The following PCDHA11 variants were observed in gnomAD, a reference collection of about 807,000 sequenced individuals.
The protein encoded by PCDHA11 is protocadherin alpha-11.
In PCDHA11, 61 loss-of-function variants were observed where a neutral mutation model predicts 70.3. The observed-to-expected ratio is 0.87, with a 90% CI of 0.71 to 1.07. The LOEUF (loss-of-function observed/expected upper bound fraction) is 1.07. Ranked by LOEUF, PCDHA11 falls within the 50% of genes least tolerant of loss-of-function variation. The probability of loss-of-function intolerance (pLI) is 0.00; values close to 1 mark genes in which losing one functional copy is unlikely to be tolerated. For synonymous variants in PCDHA11, 633 were observed against 555.1 expected, an observed-to-expected ratio of 1.14 and a Z score of -1.97; for missense variants, 1,324 against 1,237.5, an observed-to-expected ratio of 1.07 and a Z score of -1.05.
At chr5:141,000,854 G>A (rs2097968530) in intron 3 of PCDHA11, among the ~76,000 whole-genome samples, 1 of 152,010 alleles carries the variant, frequency 6.6e-6, no homozygotes, top group Non-Finnish European at 1.5e-5. Flanking sequence ...CTGGCAGTCA[G>A]CCATGACCTC....
intron 1 of PCDHA11, chr5:140,884,558 C>T: frequency 3.7e-6 from 6 of 1,614,146 alleles, no homozygotes; most frequent in Non-Finnish European, 5.1e-6. Flanking sequence ...TGGGGAGGGC[C>T]CGCATAAGAC....
In PCDHA11 at chr5:140,967,905, C is replaced by G. The variant is rs782291807; in HGVS notation, c.2392-11044C>G. ...AGCCCAGTGCCTGAGAATGCTACAC[C>G]CAACACCATTGTGGCCGTTCTCAGT... is the stretch of plus-strand genomic sequence containing the variant. On this transcript the variant is annotated intron_variant, in intron 1 of 3. Transcript: ENST00000398640. 36 of 1,614,168 alleles carry G rather than the reference C, an allele frequency of 2.2e-5. No homozygotes were observed. Among genetic ancestry groups the G allele is most frequent in the Non-Finnish European group, 2.8e-5 (33 of 1,180,028 alleles).
At chr5:140,904,280 G>A in intron 1 of PCDHA11, among the ~76,000 whole-genome samples, 1 of 151,848 alleles carries the variant, frequency 6.6e-6, no homozygotes, top group Non-Finnish European at 1.5e-5. Flanking sequence ...GAGAACATGT[G>A]GTGTTTGGTT....
At chr5:140,999,454 A>G (rs1467435215) in intron 3 of PCDHA11, among the ~76,000 whole-genome samples, 1 of 152,206 alleles carries the variant, frequency 6.6e-6, no homozygotes, top group African/African-American at 2.4e-5. Context: ...CGTTCAACGA[A>G]TAAGTGGTGA....
intron 1 of PCDHA11, chr5:140,883,696 G>A (rs142212706): frequency 6.2e-7 from 1 of 1,613,818 alleles, no homozygotes; most frequent in Non-Finnish European, 8.5e-7. Flanking sequence ...ACATCTTCAC[G>A]GTGTCTGCTC....
Position 140,923,432 on chromosome 5 carries a change from G to A in PCDHA11, c.2391+51938G>A, listed in dbSNP as rs116357562. Among the ~76,000 whole-genome samples, 1,228 of 152,230 alleles carry A rather than the reference G, an allele frequency of 8.1e-3. 6 individuals are homozygous for A. The highest frequency in any genetic ancestry group is 0.019 in the African/African-American group (793 of 41,542). The stretch of plus-strand genomic sequence containing the variant: ...AATCCTGGCTACTTGGGAGGCTGGG[G>A]TGGGAGGATCACCTGAGCCCAGAGA... On this transcript the variant is annotated intron_variant, in intron 1 of 3. Transcript: ENST00000398640.
At chr5:140,877,599 C>T (rs1325384029) in intron 1 of PCDHA11, 5 of 1,613,882 alleles carry the variant, frequency 3.1e-6, no homozygotes, top group East Asian at 2.2e-5. Context: ...CGGTGTCCAG[C>T]CTGCTGGTGC....
intron 1 of PCDHA11, chr5:140,883,540 G>A (rs782359917): frequency 1.9e-6 from 3 of 1,614,222 alleles, no homozygotes; most frequent in Non-Finnish European, 2.5e-6. Context: ...ATGAACTGGT[G>A]GTGACCGCGC....
intron 3 of PCDHA11, among the ~76,000 whole-genome samples, chr5:140,990,586 A>G (rs544396898): frequency 7.2e-5 from 11 of 152,284 alleles, no homozygotes; most frequent in African/African-American, 2.6e-4. Flanking sequence ...CTTTTCCTAT[A>G]ATCACCTGGA....
At chr5:140,882,175 G>A in intron 1 of PCDHA11, 1 of 1,515,150 alleles carries the variant, frequency 6.6e-7, no homozygotes. Flanking sequence ...GAATCCTTCC[G>A]CACTAGGAAG....
At chr5:140,942,545 G>C (rs981508818) in intron 1 of PCDHA11, among the ~76,000 whole-genome samples, 4 of 151,970 alleles carry the variant, frequency 2.6e-5, no homozygotes, top group African/African-American at 9.7e-5. Context: ...ATGGTGGGGG[G>C]TAGGGGGTTG....
In PCDHA11 at chr5:140,870,773, A is replaced by C. The variant is rs1554164699; in HGVS notation, c.1670A>C (p.Glu557Ala). ...ACGCTGCAGGTGTTCGTGCTGGACG[A>C]GAACGACAACGCGCCGGCACTGCTG... ...NVTLQVFVLD[E>A]NDNAPALLAT... The change falls in exon 1 of 4, where the codon GAG becomes GCG. Residue 557 changes from glutamate to alanine, a missense_variant. Physicochemically the swap from Glu to Ala is moderately radical, Grantham distance 107. Coordinates refer to ENST00000398640, the MANE Select transcript of PCDHA11 (RefSeq NM_018902.5). The C allele has an allele frequency of 6.2e-7, 1 of 1,613,598 alleles. No individual in the cohort carries two copies. Among genetic ancestry groups the C allele is most frequent in the Admixed American group, 1.7e-5 (1 of 60,026 alleles).
chr5:140,997,995 T>C (rs573319923), intron 3 of PCDHA11, among the ~76,000 whole-genome samples: 1 of 152,304 alleles, frequency 6.6e-6, no homozygotes, highest in East Asian at 1.9e-4. Flanking sequence ...CATACTTCCC[T>C]CTGAGCCTTC....
intron 1 of PCDHA11, among the ~76,000 whole-genome samples, chr5:140,970,594 T>C (rs975404675): frequency 6.6e-6 from 1 of 152,206 alleles, no homozygotes; most frequent in Admixed American, 6.5e-5. Flanking sequence ...ATATGCTTTG[T>C]GATACTTAAA....
chr5:140,875,351 G>C, intron 1 of PCDHA11: 1 of 1,445,562 alleles, frequency 6.9e-7, no homozygotes, highest in Non-Finnish European at 9.1e-7. Context: ...CATAATGACT[G>C]TGATGCTGGA....
At chr5:140,891,970 C>T (rs1554185021) in intron 1 of PCDHA11, among the ~76,000 whole-genome samples, 1 of 152,168 alleles carries the variant, frequency 6.6e-6, no homozygotes, top group African/African-American at 2.4e-5. Flanking sequence ...AGTAAATTTC[C>T]GTTCTCATAA....
intron 1 of PCDHA11, among the ~76,000 whole-genome samples, chr5:140,897,888 G>C (rs1554187649): frequency 6.6e-6 from 1 of 152,150 alleles, no homozygotes; most frequent in Non-Finnish European, 1.5e-5. Flanking sequence ...ATTCTAACTG[G>C]TGTGAGATGG....
At chr5:140,932,727 A>G (rs927294598) in intron 1 of PCDHA11, among the ~76,000 whole-genome samples, 2 of 151,954 alleles carry the variant, frequency 1.3e-5, no homozygotes, top group Non-Finnish European at 2.9e-5. Flanking sequence ...ATTGTATAAT[A>G]TAGACCCTCA....
chr5:140,969,049 C>A, intron 1 of PCDHA11: 1 of 1,614,142 alleles, frequency 6.2e-7, no homozygotes, highest in Non-Finnish European at 8.5e-7. Context: ...AACAAGCCAA[C>A]AACAATATTG....
Sources: gnomAD v4.1 joint callset for allele counts (sites outside exome capture counted in the v4.1 genomes callset) on GRCh38, gnomAD v4.1.1 for gene constraint, MANE v1.5 for transcripts, NCBI Gene and HGNC (gene_info 2026-07-23, HGNC 2026-07-21) for gene names.